The following SEC31B variants were observed in gnomAD, a reference collection of about 807,000 sequenced individuals.
The protein encoded by SEC31B is SEC31 homolog B, COPII component.
A neutral mutation model predicts 135.0 loss-of-function variants in SEC31B; 113 were observed. The observed-to-expected ratio is 0.84, with a 90% CI of 0.72 to 0.98. The LOEUF is 0.98. SEC31B is among the 50% of genes least tolerant of loss of function. The pLI is 0.00. For missense variants in SEC31B, 1,296 were observed against 1,421.1 expected, an observed-to-expected ratio of 0.91 and a Z score of 1.42; for synonymous variants, 508 against 549.4, an observed-to-expected ratio of 0.92 and a Z score of 1.05.
At chr10:100,497,911 G>C in intron 15 of SEC31B, 118 bp from the exon 16 acceptor site, 1 of 1,583,772 alleles carries the variant, frequency 6.3e-7, no homozygotes, top group Non-Finnish European at 8.6e-7. Flanking sequence ...GGTGGGGGTG[G>C]TTAGAGTAGA....
Position 100,490,768 on chromosome 10 carries a change from T to C in SEC31B, c.2588A>G (p.Asp863Gly), listed in dbSNP as rs766949668. ...YQGPRTQNIS[D>G]YRAPGPQAIQ... Reference sequence around the variant, plus strand: ...GGCCTGGGGCCCAGGTGCCCTGTAGTCACTTATATTCTGTGTCCTGGGACC... The same window carrying C: ...GGCCTGGGGCCCAGGTGCCCTGTAGCCACTTATATTCTGTGTCCTGGGACC... The change falls in exon 20 of 26, where the codon GAC becomes GGC. Residue 863 changes from aspartate to glycine, a missense_variant. By Grantham distance (94) the Asp-to-Gly change is moderately conservative. Coordinates refer to ENST00000370345, the MANE Select transcript of SEC31B (RefSeq NM_015490.4). 8.7e-6 allele frequency: 14 copies of C among 1,607,658 alleles called. No individual in the cohort carries two copies. Among genetic ancestry groups the C allele is most frequent in the African/African-American group, 4.0e-5 (3 of 74,782 alleles).
intron 11 of SEC31B, among the ~76,000 whole-genome samples, chr10:100,501,949 A>G (rs1230614954): frequency 6.6e-6 from 1 of 152,182 alleles, no homozygotes; most frequent in African/African-American, 2.4e-5. Context: ...TTGGCATGAT[A>G]CCGTGAAGGT....
rs1442949266 is a variant in SEC31B, at chr10:100,488,867, T to G, written c.3279A>C (p.Ala1093=). ...EALLQRCSLS[A]TDLKTKRKLE... ...GAAGGTTCAGACTTACTAAGTCAGT[T>G]GCAGACAGGGAGCAGCGTTGGAGAA... Residue 1093 remains alanine, a synonymous_variant, in exon 24 of 26, where the codon GCA becomes GCC. Transcript: ENST00000370345. 1.9e-6 allele frequency: 3 copies of G among 1,596,148 alleles called. No homozygotes were observed. Among genetic ancestry groups the G allele is most frequent in the Non-Finnish European group, 2.6e-6 (3 of 1,171,966 alleles).
At chr10:100,511,544 A>G (rs903333609) in intron 3 of SEC31B, among the ~76,000 whole-genome samples, 1 of 152,250 alleles carries the variant, frequency 6.6e-6, no homozygotes, top group African/African-American at 2.4e-5. Flanking sequence ...CTGGGGCAGG[A>G]GGATCACTTG....
chr10:100,499,170 A>G lies in SEC31B; in HGVS notation c.1574T>C (p.Phe525Ser). ...GGACTCCTACCACACCTGGCTGCAG[A>G]AGGCCTGTTGTCTGTCACTGTTGAG... ...NDLNSDRQQA[F>S]CSQASKHTTK... The change falls in exon 13 of 26, where the codon TTC (phenylalanine) becomes TCC (serine). Residue 525 changes from phenylalanine to serine, a missense_variant. Transcript: ENST00000370345. 6.2e-7 allele frequency: 1 copy of G among 1,613,894 alleles called. No homozygotes were observed. The highest frequency in any genetic ancestry group is 8.5e-7 in the Non-Finnish European group (1 of 1,179,846).
intron 1 of SEC31B, among the ~76,000 whole-genome samples, chr10:100,519,244 C>T (rs1851905098): frequency 6.6e-6 from 1 of 152,206 alleles, no homozygotes; most frequent in Admixed American, 6.5e-5. Flanking sequence ...TGTTAAGAGG[C>T]ATCTATTCAC....
At position 100,502,492 on chromosome 10, in the gene SEC31B, G is replaced by T; in HGVS notation, c.1180-8C>A. 1 of 1,598,842 alleles carries T rather than the reference G, an allele frequency of 6.3e-7. No homozygotes were observed. The highest frequency in any genetic ancestry group is 8.6e-7 in the Non-Finnish European group (1 of 1,168,526). ...AACCAGCTTCCCTCCAAACTGGTGA[G>T]GAAAAGCAAGAAGGGTAAAGGTTAT... On this transcript the variant is annotated splice_region_variant and splice_polypyrimidine_tract_variant and intron_variant, in intron 10 of 25. Coordinates refer to ENST00000370345, the MANE Select transcript of SEC31B (RefSeq NM_015490.4).
At chr10:100,489,189 T>A (rs1851249988) in intron 23 of SEC31B, 63 bp downstream of exon 23, 2 of 1,528,896 alleles carry the variant, frequency 1.3e-6, no homozygotes, top group African/African-American at 1.4e-5. Context: ...CCATCTACCA[T>A]GACCTGCACC....
At chr10:100,514,408 T>C (rs945278480) in intron 3 of SEC31B, among the ~76,000 whole-genome samples, 8 of 152,158 alleles carry the variant, frequency 5.3e-5, no homozygotes, top group African/African-American at 1.4e-4. Context: ...TTTTAAGCTC[T>C]AGCATATAAA....
chr10:100,498,081 A>C lies in SEC31B; in HGVS notation c.1811T>G (p.Leu604Arg). 2 of 1,614,160 alleles carry C rather than the reference A, an allele frequency of 1.2e-6. No homozygotes were observed. Among genetic ancestry groups the C allele is most frequent in the South Asian group, 2.2e-5 (2 of 91,078 alleles). ...CAAGTAGCGCTCCTGTGTTTGCTTCAGCAGATCTGTACCCCCAGCCTGGGC... is the reference window on the plus strand; with the variant it reads ...CAAGTAGCGCTCCTGTGTTTGCTTCCGCAGATCTGTACCCCCAGCCTGGGC... ...ILAQAGGTDL[L>R]KQTQERYLAK... Residue 604 changes from leucine (L) to arginine (R), a missense_variant, in exon 15 of 26, where the codon CTG (leucine) becomes CGG (arginine). Coordinates refer to ENST00000370345, the MANE Select transcript of SEC31B (RefSeq NM_015490.4).
rs768851071 is a variant in SEC31B at position 100,498,757 on chromosome 10, AAAG to A, written c.1629_1631del (p.Phe544del). On this transcript the variant is annotated inframe_deletion, in exon 14 of 26. Coordinates refer to ENST00000370345, the MANE Select transcript of SEC31B (RefSeq NM_015490.4). ...TCATGTTCTGAGGGACCAGCTCATC[AAAG>A]AAGGCTGAGGAAGCAGAGGCTTCCT... is the stretch of plus-strand genomic sequence containing the variant. 1.7e-5 allele frequency: 27 copies of A among 1,613,898 alleles called. No individual in the cohort carries two copies. The African/African-American group carries it at 3.3e-4, about 20-fold the overall frequency.
chr10:100,509,274 G>T, intron 4 of SEC31B, 42 bp downstream of exon 4: 1 of 1,584,436 alleles, frequency 6.3e-7, no homozygotes, highest in Non-Finnish European at 8.6e-7. Context: ...CAGATCTGTT[G>T]CTCCCTGGCT....
chr10:100,488,348 A>C lies in SEC31B; in HGVS notation c.3289-250T>G, dbSNP rs565207506. On this transcript the variant is annotated intron_variant, in intron 24 of 25. Transcript: ENST00000370345. ...GAGGTGGGCACCTGTAGTCCCAGCTACTCGGGAGGCTGAGGCGGGAGAATG... is the reference window on the plus strand; with the variant it reads ...GAGGTGGGCACCTGTAGTCCCAGCTCCTCGGGAGGCTGAGGCGGGAGAATG... Among the ~76,000 whole-genome samples, 31 of 151,054 alleles carry C rather than the reference A, an allele frequency of 2.1e-4. No individual in the cohort carries two copies. The East Asian group carries it at 6.1e-3, about 30-fold the overall frequency.
At chr10:100,496,971 G>A (rs1851421154) in intron 17 of SEC31B, among the ~76,000 whole-genome samples, 164 bp downstream of exon 17, 1 of 152,210 alleles carries the variant, frequency 6.6e-6, no homozygotes, top group Non-Finnish European at 1.5e-5. Context: ...TCTTCTCTGA[G>A]GGAAGAGGAG....
intron 20 of SEC31B, 72 bp from the exon 21 acceptor site, chr10:100,490,394 G>A: frequency 7.0e-7 from 1 of 1,419,362 alleles, no homozygotes; most frequent in Non-Finnish European, 9.5e-7. Context: ...ATATCAGGGA[G>A]AAACAGGATT....
At chr10:100,515,915 G>GA (rs202017442) in intron 3 of SEC31B, among the ~76,000 whole-genome samples, 181 bp downstream of exon 3, 6 of 97,456 alleles carry the variant, frequency 6.2e-5, no homozygotes, top group Admixed American at 2.9e-4. Flanking sequence ...TGACTGGAAA[G>GA]GGGGGGGGTG....
intron 23 of SEC31B, 95 bp downstream of exon 23, chr10:100,489,157 C>A: frequency 6.8e-7 from 1 of 1,469,424 alleles, no homozygotes; most frequent in Non-Finnish European, 9.1e-7. Context: ...TCTCCCTCAG[C>A]ACATGCCTTG....
chr10:100,493,170 A>G (rs544886916), intron 19 of SEC31B, among the ~76,000 whole-genome samples: 5 of 152,048 alleles, frequency 3.3e-5, no homozygotes, highest in Non-Finnish European at 5.9e-5. Context: ...TCGGGAGATC[A>G]AGACCATCCT....
At chr10:100,516,055 C>G (rs753169898) in intron 3 of SEC31B, 41 bp downstream of exon 3, 5 of 1,600,700 alleles carry the variant, frequency 3.1e-6, no homozygotes, top group Non-Finnish European at 4.3e-6. Flanking sequence ...GATTCCACGT[C>G]AGTATCTACC....
Sources: allele counts gnomAD v4.1 joint callset (sites outside exome capture counted in the v4.1 genomes callset), GRCh38; gene constraint gnomAD v4.1.1; transcripts MANE v1.5; gene names NCBI Gene and HGNC (gene_info 2026-07-23, HGNC 2026-07-21).